Variants in IRAG1 observed in about 807,000 individuals in gnomAD.
The protein encoded by IRAG1 is IP3R-associated cGMP kinase substrate.
IRAG1 carries 62 observed loss-of-function variants against 106.2 expected under a neutral mutation model. That is an observed-to-expected ratio of 0.58 (90% CI 0.48 to 0.72). The LOEUF (loss-of-function observed/expected upper bound fraction) is 0.72. Ranked by LOEUF, IRAG1 falls within the 30% of genes least tolerant of loss-of-function variation. The pLI is 0.00. For synonymous variants in IRAG1, 462 were observed against 443.9 expected (o/e 1.04, Z -0.51); for missense variants, 1,064 against 1,140.7 (o/e 0.93, Z 0.97).
chr11:10,693,704 G>T lies in IRAG1; in HGVS notation c.-102C>A. 1 of 1,356,072 alleles carries T rather than the reference G, an allele frequency of 7.4e-7. No homozygotes were observed. The highest frequency in any genetic ancestry group is 1.0e-6 in the Non-Finnish European group (1 of 993,774). 84.0% of individuals were successfully genotyped at this position (1,356,072 alleles called of 1,614,324 possible). ...CCTCTGAGAGGGGCTGGGACTTAGA[G>T]CCGAGAGCTCCTCTGGGAGCCCCAC... On this transcript the variant is annotated 5_prime_UTR_variant, in exon 1 of 21. Transcript: ENST00000423302.
chr11:10,588,348 T>G (rs965079962), intron 18 of IRAG1, among the ~76,000 whole-genome samples: 2 of 152,178 alleles, frequency 1.3e-5, no homozygotes, highest in African/African-American at 2.4e-5. Flanking sequence ...AAACTTTTTT[T>G]TTTTTGTTTT....
chr11:10,664,694 T>G (rs1475654821), intron 1 of IRAG1, among the ~76,000 whole-genome samples: 1 of 152,156 alleles, frequency 6.6e-6, no homozygotes, highest in African/African-American at 2.4e-5. Context: ...TCACAGTGAT[T>G]GGCTGGAGGG....
intron 10 of IRAG1, 43 bp from the exon 11 acceptor site, chr11:10,609,894 A>G: frequency 6.2e-7 from 1 of 1,602,746 alleles, no homozygotes; most frequent in South Asian, 1.1e-5. Flanking sequence ...CTTTGAAATC[A>G]CAGTAGTACT....
At chr11:10,599,410 G>A (rs564202597) in intron 15 of IRAG1, among the ~76,000 whole-genome samples, 1 of 152,224 alleles carries the variant, frequency 6.6e-6, no homozygotes, top group Non-Finnish European at 1.5e-5. Flanking sequence ...AAATGCAGGA[G>A]TCCACGCATT....
Position 10,674,928 on chromosome 11 carries a change from G to A in IRAG1, c.67+18608C>T, listed in dbSNP as rs1589960523. Among the ~76,000 whole-genome samples the A allele has an allele frequency of 2.6e-5, 4 of 152,346 alleles. No homozygotes were observed. The South Asian group carries it at 8.3e-4, about 32-fold the overall frequency. ...CCCCAAGTCACATCCTAAGATGGGGGTTCATCCCCTCATATGAAGGATTCT... is the reference window on the plus strand; with the variant it reads ...CCCCAAGTCACATCCTAAGATGGGGATTCATCCCCTCATATGAAGGATTCT... On this transcript the variant is annotated intron_variant, in intron 1 of 20. Transcript: ENST00000423302.
At position 10,626,218 on chromosome 11, in the gene IRAG1, G is replaced by A. The variant is rs761428848; in HGVS notation, c.1116C>T (p.Pro372=). ...GRGPAGEPMG[P]EAGSKAELPP... Reference sequence around the variant, plus strand: ...GAAGCTCAGCTTTGGAGCCAGCCTCGGGCCCCATCGGCTCTCCAGCTGGGC... The same window carrying A: ...GAAGCTCAGCTTTGGAGCCAGCCTCAGGCCCCATCGGCTCTCCAGCTGGGC... Residue 372 remains proline, a synonymous_variant, in exon 9 of 21, where the codon CCC becomes CCT. Transcript: ENST00000423302. 18 of 1,591,648 alleles carry A rather than the reference G, an allele frequency of 1.1e-5. No homozygotes were observed. The highest frequency in any genetic ancestry group is 2.3e-5 in the South Asian group (2 of 88,788).
At chr11:10,648,672 A>G (rs566554363) in intron 2 of IRAG1, among the ~76,000 whole-genome samples, 1 of 152,294 alleles carries the variant, frequency 6.6e-6, no homozygotes, top group East Asian at 1.9e-4. Context: ...TCAAGGGCCA[A>G]TGCAGAAAAC....
At chr11:10,580,729 G>A in intron 19 of IRAG1, 140 bp from the exon 20 acceptor site, 3 of 1,032,308 alleles carry the variant, frequency 2.9e-6, no homozygotes, top group South Asian at 3.4e-5. Context: ...GAAAAAGCTG[G>A]GAAGCTCCAC....
intron 10 of IRAG1, among the ~76,000 whole-genome samples, chr11:10,610,417 G>A (rs146912029): frequency 8.7e-4 from 132 of 152,322 alleles, no homozygotes; most frequent in African/African-American, 3.0e-3. Flanking sequence ...CAGAGACAAT[G>A]AACAGCTTTT....
Position 10,609,827 on chromosome 11 carries a change from G to A in IRAG1, c.1472C>T (p.Ala491Val), listed in dbSNP as rs756597651. Residue 491 changes from alanine to valine, a missense_variant, in exon 11 of 21, where the codon GCT becomes GTT. Ala to Val is a moderately conservative substitution (Grantham distance 64, BLOSUM62 0). Transcript: ENST00000423302. ...EKGLPSELSPAIEEEESKSGL... is the reference protein window; with the variant it reads ...EKGLPSELSPVIEEEESKSGL... Reference sequence around the variant, plus strand: ...ACTCTTTGACTCTTCTTCCTCAATAGCTGGGGAGAGTTCAGAAGGAAGCCC... The same window carrying A: ...ACTCTTTGACTCTTCTTCCTCAATAACTGGGGAGAGTTCAGAAGGAAGCCC... 6.2e-7 allele frequency: 1 copy of A among 1,613,914 alleles called. No individual in the cohort carries two copies. Among genetic ancestry groups the A allele is most frequent in the South Asian group, 1.1e-5 (1 of 91,078 alleles).
chr11:10,610,552 T>C (rs1289223867), intron 10 of IRAG1, among the ~76,000 whole-genome samples: 3 of 152,216 alleles, frequency 2.0e-5, no homozygotes, highest in Admixed American at 1.3e-4. Flanking sequence ...CTCTAAAGCT[T>C]CTCTTCTCCA....
At chr11:10,669,736 T>G (rs1279087991) in intron 1 of IRAG1, among the ~76,000 whole-genome samples, 1 of 152,146 alleles carries the variant, frequency 6.6e-6, no homozygotes, top group Admixed American at 6.5e-5. Flanking sequence ...GTTCCCCCCC[T>G]TACCCTTCAC....
Position 10,576,361 on chromosome 11 carries a change from G to A in IRAG1, c.2710C>T (p.Leu904Phe). ...TGCTCTGTAGGCTGCTCATGCTGGAGTCCTGAGCTCCACCAGGAGTCCCTC... is the reference window on the plus strand; with the variant it reads ...TGCTCTGTAGGCTGCTCATGCTGGAATCCTGAGCTCCACCAGGAGTCCCTC... ...AQRDSWWSSG[L>F]QHEQPTEQ Residue 904 changes from leucine (L) to phenylalanine (F), a missense_variant, in exon 21 of 21, where the codon CTC becomes TTC. Physicochemically the swap from Leu to Phe is conservative, Grantham distance 22 (BLOSUM62 0). Transcript: ENST00000423302. 2 of 1,613,914 alleles carry A rather than the reference G, an allele frequency of 1.2e-6. No homozygotes were observed. Among genetic ancestry groups the A allele is most frequent in the Non-Finnish European group, 1.7e-6 (2 of 1,179,866 alleles).
intron 1 of IRAG1, among the ~76,000 whole-genome samples, chr11:10,667,797 C>A (rs1859902282): frequency 6.6e-6 from 1 of 152,150 alleles, no homozygotes; most frequent in Non-Finnish European, 1.5e-5. Flanking sequence ...ATTCCTACAC[C>A]CTTCTCAGAT....
intron 10 of IRAG1, among the ~76,000 whole-genome samples, chr11:10,616,579 G>A (rs1855450145): frequency 6.6e-6 from 1 of 152,060 alleles, no homozygotes; most frequent in African/African-American, 2.4e-5. Context: ...AACCCTTTAT[G>A]CATTTCATAA....
At chr11:10,692,078 C>T (rs1862099258) in intron 1 of IRAG1, among the ~76,000 whole-genome samples, 2 of 152,106 alleles carry the variant, frequency 1.3e-5, no homozygotes, top group South Asian at 4.1e-4. Context: ...GTAGTAGCAG[C>T]TAGCACATGG....
chr11:10,590,467 C>T (rs2134192745), intron 18 of IRAG1, among the ~76,000 whole-genome samples: 1 of 152,248 alleles, frequency 6.6e-6, no homozygotes, highest in Non-Finnish European at 1.5e-5. Flanking sequence ...CTTGTCTGTA[C>T]TGAAAAGGGT....
intron 1 of IRAG1, among the ~76,000 whole-genome samples, chr11:10,653,420 G>GTGCTTCT (rs530078977): frequency 2.0e-4 from 31 of 152,244 alleles, no homozygotes; most frequent in Admixed American, 1.5e-3. Context: ...CTACTCTTTC[G>GTGCTTCT]TGCTTCTTGT....
rs1859205588 is a variant in IRAG1, at chr11:10,659,219, T to C, written c.68-7037A>G. Among the ~76,000 whole-genome samples the C allele has an allele frequency of 6.6e-6, 1 of 152,098 alleles. No homozygotes were observed. The highest frequency in any genetic ancestry group is 2.4e-5 in the African/African-American group (1 of 41,408). On this transcript the variant is annotated intron_variant, in intron 1 of 20. Transcript: ENST00000423302. The surrounding 1 kb of genome is among the most constrained non-coding windows in gnomAD (Gnocchi z 4.1). ...TCCTGGAAGAGAGCCAGCCACAGTG[T>C]CTGGCCAAGTAGGTATTTGTGCTGT...
Sources: allele counts gnomAD v4.1 joint callset (sites outside exome capture counted in the v4.1 genomes callset), GRCh38; gene constraint gnomAD v4.1.1; non-coding constraint Gnocchi (gnomAD v3.1); transcripts MANE v1.5; gene names NCBI Gene and HGNC (gene_info 2026-07-23, HGNC 2026-07-21).